The following APBA1 variants were observed in gnomAD, a reference collection of about 807,000 sequenced individuals.
The protein encoded by APBA1 is amyloid-beta A4 precursor protein-binding family A member 1.
APBA1 carries 55 observed loss-of-function variants against 86.6 expected under a neutral mutation model. The observed-to-expected ratio is 0.64, with a 90% CI of 0.51 to 0.80. APBA1 has a LOEUF of 0.80. Among genes scored for constraint, APBA1 ranks in the 30% least tolerant of loss-of-function variants. APBA1 has a pLI of 0.00. For missense variants in APBA1, 1,090 were observed against 1,183.0 expected, an observed-to-expected ratio of 0.92 and a Z score of 1.15; for synonymous variants, 511 against 493.9, an observed-to-expected ratio of 1.03 and a Z score of -0.46.
chr9:69,653,570 A>G (rs1398413406), intron 1 of APBA1, among the ~76,000 whole-genome samples: 1 of 152,192 alleles, frequency 6.6e-6, no homozygotes, highest in African/African-American at 2.4e-5. Flanking sequence ...TCACAAAACA[A>G]ATCTTAAATT....
intron 1 of APBA1, among the ~76,000 whole-genome samples, chr9:69,622,571 C>T (rs1236940643): frequency 2.1e-4 from 20 of 97,152 alleles, no homozygotes; most frequent in Admixed American, 8.8e-4. Context: ...TAATAGAGAC[C>T]AAGTCATAAG....
At chr9:69,482,597 A>G (rs201845160) in intron 2 of APBA1, among the ~76,000 whole-genome samples, 14,954 of 150,688 alleles carry the variant, frequency 0.099, 880 homozygotes, top group East Asian at 0.27. Flanking sequence ...TAGAAATACC[A>G]TTTGACCCAG....
chr9:69,451,984 G>A, intron 9 of APBA1, 138 bp downstream of exon 9: 1 of 803,220 alleles, frequency 1.2e-6, no homozygotes. Flanking sequence ...AGAGATGGGG[G>A]TGAACGACTT....
chr9:69,461,687 C>T (rs1350319222), intron 5 of APBA1: 1 of 152,192 alleles, frequency 6.6e-6, no homozygotes, highest in East Asian at 1.9e-4. Context: ...CCCCAGGTCA[C>T]ACAGCTGTGA....
At chr9:69,517,694 C>A (rs6559613) in intron 1 of APBA1, among the ~76,000 whole-genome samples, 125,071 of 152,220 alleles carry the variant, frequency 0.82, 51,498 homozygotes, top group East Asian at 0.91. Context: ...TCACTCTTTA[C>A]ATCAATTTCA....
At chr9:69,601,877 T>C (rs1342142332) in intron 1 of APBA1, among the ~76,000 whole-genome samples, 1 of 152,186 alleles carries the variant, frequency 6.6e-6, no homozygotes, top group Non-Finnish European at 1.5e-5. Flanking sequence ...TTCCAACCCC[T>C]TCTAATACCA....
At chr9:69,623,144 C>T (rs1178525417) in intron 1 of APBA1, among the ~76,000 whole-genome samples, 2 of 152,206 alleles carry the variant, frequency 1.3e-5, no homozygotes, top group Middle Eastern at 3.4e-3. Context: ...AGGCACCCCA[C>T]CCAAAAACCT....
intron 6 of APBA1, among the ~76,000 whole-genome samples, chr9:69,457,543 G>A (rs1398572129): frequency 6.6e-6 from 1 of 152,098 alleles, no homozygotes; most frequent in Non-Finnish European, 1.5e-5. Context: ...GAGCTGATAG[G>A]AGACAATGTT....
chr9:69,581,658 A>G (rs979754622), intron 1 of APBA1, among the ~76,000 whole-genome samples: 1 of 152,208 alleles, frequency 6.6e-6, no homozygotes, highest in Admixed American at 6.5e-5. Context: ...TTCAGGAAGA[A>G]TATTCCCCAC....
chr9:69,450,234 G>GT (rs1834984186), intron 9 of APBA1, among the ~76,000 whole-genome samples: 1 of 151,816 alleles, frequency 6.6e-6, no homozygotes, highest in African/African-American at 2.4e-5. Context: ...ATTTTCTTGA[G>GT]TTAAAAATAA....
chr9:69,454,755 G>A (rs1226542877), intron 8 of APBA1, among the ~76,000 whole-genome samples: 1 of 152,082 alleles, frequency 6.6e-6, no homozygotes, highest in Non-Finnish European at 1.5e-5. Flanking sequence ...TAGCAGCGGG[G>A]CCTACAGGGA....
chr9:69,457,019 C>T (rs1323604257), intron 7 of APBA1, 34 bp downstream of exon 7: 12 of 1,576,696 alleles, frequency 7.6e-6, no homozygotes. Flanking sequence ...TGTCACTAAG[C>T]TTCACCCTGG....
chr9:69,626,446 TC>T, intron 1 of APBA1, among the ~76,000 whole-genome samples: 1 of 152,124 alleles, frequency 6.6e-6, no homozygotes, highest in Admixed American at 6.6e-5. Flanking sequence ...AAAATTCAAG[TC>T]AGTATTCTCC....
intron 11 of APBA1, among the ~76,000 whole-genome samples, chr9:69,435,027 T>A (rs1834679836): frequency 6.8e-6 from 1 of 146,294 alleles, no homozygotes; most frequent in Non-Finnish European, 1.5e-5. Context: ...TTCCCACCTA[T>A]GAGTGAGAAC....
chr9:69,668,536 CA>C (rs1185289955), intron 1 of APBA1, among the ~76,000 whole-genome samples: 4 of 152,178 alleles, frequency 2.6e-5, no homozygotes, highest in Non-Finnish European at 4.4e-5. Flanking sequence ...TTCCATCCAA[CA>C]TAATACTACA....
chr9:69,515,631 T>C (rs1836123313), intron 2 of APBA1, among the ~76,000 whole-genome samples: 1 of 151,348 alleles, frequency 6.6e-6, no homozygotes, highest in East Asian at 2.0e-4. Context: ...GCTTGTTTTT[T>C]ATTTGGCATT....
chr9:69,549,169 G>C (rs1259881674), intron 1 of APBA1, among the ~76,000 whole-genome samples: 1 of 152,224 alleles, frequency 6.6e-6, no homozygotes, highest in Admixed American at 6.5e-5. Flanking sequence ...AACAAATCCA[G>C]GGGAAGGCCG....
At chr9:69,641,224 GA>G (rs902324627) in intron 1 of APBA1, among the ~76,000 whole-genome samples, 9 of 151,512 alleles carry the variant, frequency 5.9e-5, no homozygotes, top group Admixed American at 2.0e-4. Flanking sequence ...ACATACTTAG[GA>G]AAAAAAACAT....
intron 1 of APBA1, among the ~76,000 whole-genome samples, chr9:69,596,344 T>C (rs1822229354): frequency 6.6e-6 from 1 of 152,226 alleles, no homozygotes; most frequent in African/African-American, 2.4e-5. Flanking sequence ...CCCACTGATA[T>C]GGAACTTTTA....
Sources: gnomAD v4.1 joint callset for allele counts (sites outside exome capture counted in the v4.1 genomes callset) on GRCh38, gnomAD v4.1.1 for gene constraint, MANE v1.5 for transcripts, NCBI Gene and HGNC (gene_info 2026-07-23, HGNC 2026-07-21) for gene names.